The following CSMD1 variants were observed in gnomAD, a reference collection of about 807,000 sequenced individuals.
CSMD1 encodes CUB and Sushi multiple domains 1, also known as CUB and sushi domain-containing protein 1.
A neutral mutation model predicts 417.5 loss-of-function variants in CSMD1; 213 were observed. The ratio of observed to expected loss-of-function variants is 0.51; its 90% CI spans 0.46 to 0.57. The LOEUF (loss-of-function observed/expected upper bound fraction) is 0.57. CSMD1 is among the 20% of genes least tolerant of loss of function. CSMD1 has a pLI of 0.00. For synonymous variants in CSMD1, 2,862 were observed against 1,736.8 expected, an observed-to-expected ratio of 1.65 and a Z score of -16.11; for missense variants, 6,923 against 4,529.7, an observed-to-expected ratio of 1.53 and a Z score of -15.17.
intron 49 of CSMD1, among the ~76,000 whole-genome samples, chr8:3,083,656 T>TA (rs1814306599): frequency 4.8e-5 from 2 of 41,588 alleles, no homozygotes; most frequent in African/African-American, 1.9e-4. Flanking sequence ...ATATTTTTTT[T>TA]TTTTTTTTTT....
intron 26 of CSMD1, among the ~76,000 whole-genome samples, chr8:3,231,378 A>T (rs1000592380): frequency 6.6e-6 from 1 of 152,194 alleles, no homozygotes; most frequent in East Asian, 1.9e-4. Flanking sequence ...AGCAAAAAAA[A>T]AGAGATTAGT....
chr8:4,152,550 C>G (rs1437769879), intron 3 of CSMD1, among the ~76,000 whole-genome samples: 2 of 150,784 alleles, frequency 1.3e-5, no homozygotes, highest in Non-Finnish European at 1.5e-5. Flanking sequence ...ATTAGCTAGT[C>G]ATGGTGGTGC....
At chr8:4,959,672 C>G (rs748332163) in intron 1 of CSMD1, among the ~76,000 whole-genome samples, 1 of 152,230 alleles carries the variant, frequency 6.6e-6, no homozygotes, top group Admixed American at 6.5e-5. Context: ...TCTAGCTTGT[C>G]TAACTTTGAT....
At chr8:3,261,106 CAG>C (rs1305701963) in intron 26 of CSMD1, among the ~76,000 whole-genome samples, 1 of 152,114 alleles carries the variant, frequency 6.6e-6, no homozygotes, top group Admixed American at 6.5e-5. Context: ...CAAATAAATG[CAG>C]AGATATCACT....
chr8:4,623,744 T>A (rs1801920401), intron 2 of CSMD1, among the ~76,000 whole-genome samples: 1 of 152,004 alleles, frequency 6.6e-6, no homozygotes, highest in African/African-American at 2.4e-5. Context: ...TGTGTGTGTA[T>A]ATATATATTT....
At chr8:3,802,158 A>C (rs7014315) in intron 5 of CSMD1, among the ~76,000 whole-genome samples, 52,163 of 151,958 alleles carry the variant, frequency 0.34, 9,063 homozygotes, top group Middle Eastern at 0.4. Context: ...GCATTCAAAA[A>C]ATAATTACTA....
intron 2 of CSMD1, among the ~76,000 whole-genome samples, chr8:4,622,705 C>T (rs1336943936): frequency 6.6e-6 from 1 of 152,160 alleles, no homozygotes; most frequent in African/African-American, 2.4e-5. Flanking sequence ...GAATTCATTA[C>T]ATCCCACCTG....
chr8:3,928,910 G>T (rs536672546), intron 5 of CSMD1, among the ~76,000 whole-genome samples: 1 of 149,714 alleles, frequency 6.7e-6, no homozygotes, highest in East Asian at 2.0e-4. Context: ...CTTTCTTTTC[G>T]TATACCTGGA....
chr8:4,185,427 A>G (rs866816696), intron 3 of CSMD1, among the ~76,000 whole-genome samples: 7 of 152,130 alleles, frequency 4.6e-5, no homozygotes, highest in Admixed American at 1.3e-4. Flanking sequence ...TACACGTGTG[A>G]GCTTGATAAA....
intron 5 of CSMD1, among the ~76,000 whole-genome samples, chr8:3,947,551 C>T (rs1316764585): frequency 6.6e-6 from 1 of 152,182 alleles, no homozygotes; most frequent in Non-Finnish European, 1.5e-5. Context: ...CACGGGAAAG[C>T]TCCTTATATT....
chr8:4,474,598 G>A (rs992455820), intron 2 of CSMD1, among the ~76,000 whole-genome samples: 2 of 152,158 alleles, frequency 1.3e-5, no homozygotes, highest in African/African-American at 4.8e-5. Flanking sequence ...GTGTTTCTGT[G>A]TGAGCTACTA....
chr8:3,024,432 A>C (rs1225458532), intron 51 of CSMD1, among the ~76,000 whole-genome samples: 1 of 152,020 alleles, frequency 6.6e-6, no homozygotes, highest in Admixed American at 6.5e-5. Flanking sequence ...CAGCCTCCCA[A>C]GTAGCTGGGA....
chr8:4,422,865 G>GGTC (rs1563157369), intron 2 of CSMD1, among the ~76,000 whole-genome samples: 1 of 151,986 alleles, frequency 6.6e-6, no homozygotes, highest in Non-Finnish European at 1.5e-5. Context: ...ATGTTAGAAA[G>GGTC]GTCCAATCTT....
chr8:3,210,917 T>C (rs977742156), intron 30 of CSMD1, among the ~76,000 whole-genome samples: 7 of 152,068 alleles, frequency 4.6e-5, no homozygotes, highest in African/African-American at 1.4e-4. Context: ...TGCTACCTAC[T>C]TTTATCTCCC....
intron 8 of CSMD1, among the ~76,000 whole-genome samples, chr8:3,605,521 G>C (rs536262814): frequency 6.6e-6 from 1 of 152,162 alleles, no homozygotes; most frequent in Non-Finnish European, 1.5e-5. Context: ...AACTAGAAAT[G>C]AGCAGTTGTT....
intron 2 of CSMD1, among the ~76,000 whole-genome samples, chr8:4,597,666 A>G (rs1398495788): frequency 6.6e-6 from 1 of 152,028 alleles, no homozygotes. Flanking sequence ...ACACAATCAG[A>G]AAAAAAATGT....
At chr8:4,239,132 T>G (rs1266739228) in intron 3 of CSMD1, among the ~76,000 whole-genome samples, 1 of 152,336 alleles carries the variant, frequency 6.6e-6, no homozygotes, top group South Asian at 2.1e-4. Flanking sequence ...TAAAACAATT[T>G]ACTCCCCAAT....
chr8:4,248,837 G>A (rs973682901), intron 3 of CSMD1, among the ~76,000 whole-genome samples: 1 of 152,032 alleles, frequency 6.6e-6, no homozygotes, highest in Non-Finnish European at 1.5e-5. Context: ...TATCCCAATA[G>A]CCAAAAACAA....
At chr8:3,746,214 C>T (rs1403269605) in intron 6 of CSMD1, among the ~76,000 whole-genome samples, 1 of 152,182 alleles carries the variant, frequency 6.6e-6, no homozygotes, top group African/African-American at 2.4e-5. Flanking sequence ...ATGCTGAAAG[C>T]CAGAATAAGT....
Sources: gnomAD v4.1 joint callset for allele counts (sites outside exome capture counted in the v4.1 genomes callset) on GRCh38, gnomAD v4.1.1 for gene constraint, MANE v1.5 for transcripts, NCBI Gene and HGNC (gene_info 2026-07-23, HGNC 2026-07-21) for gene names.